MEAF6: variants seen among roughly 807,000 people sequenced by gnomAD.
MEAF6 encodes MYST/Esa1 associated factor 6, also known as chromatin modification-related protein MEAF6.
MEAF6 carries 15 observed loss-of-function variants against 28.9 expected under a neutral mutation model. The observed-to-expected ratio is 0.52, with a 90% CI of 0.35 to 0.80. MEAF6 has a LOEUF of 0.80. Ranked by LOEUF, MEAF6 falls within the 30% of genes least tolerant of loss-of-function variation. The pLI is 0.01. For missense variants in MEAF6, 178 were observed against 237.5 expected, an observed-to-expected ratio of 0.75 and a Z score of 1.65; for synonymous variants, 97 against 88.7, an observed-to-expected ratio of 1.09 and a Z score of -0.53.
At chr1:37,496,653 T>C (rs1376013609) in intron 5 of MEAF6, 3 of 1,544,098 alleles carry the variant, frequency 1.9e-6, no homozygotes, top group African/African-American at 1.4e-5. Flanking sequence ...CAAAAAGGCA[T>C]ACTGGTGTCT....
At chr1:37,503,902 T>C (rs548447630) in intron 4 of MEAF6, among the ~76,000 whole-genome samples, 6 of 152,216 alleles carry the variant, frequency 3.9e-5, no homozygotes, top group Non-Finnish European at 7.4e-5. Context: ...GGAGATTGCA[T>C]GAGCCAAGAT....
chr1:37,513,756 C>A, intron 1 of MEAF6: 1 of 575,214 alleles, frequency 1.7e-6, no homozygotes, highest in Non-Finnish European at 3.1e-6. Context: ...AAGCATGTCT[C>A]CAGAAAAATA....
rs577303611 is a variant in MEAF6 at position 37,490,943 on chromosome 1, C to A, written c.*3156G>T. Among the ~76,000 whole-genome samples, 2 of 152,150 alleles carry A rather than the reference C, an allele frequency of 1.3e-5. No individual in the cohort carries two copies. The highest frequency in any genetic ancestry group is 4.8e-5 in the African/African-American group (2 of 41,412). On this transcript the variant is annotated 3_prime_UTR_variant, in exon 7 of 7. Coordinates refer to ENST00000296214, the MANE Select transcript of MEAF6 (RefSeq NM_001270875.3). ...TCGAGAGGCTGAGGCGGAATAATTG[C>A]TTGAACCCTGGAGGCGGAGGTAGCA...
chr1:37,512,181 T>C (rs1457861911), intron 2 of MEAF6, among the ~76,000 whole-genome samples: 1 of 152,202 alleles, frequency 6.6e-6, no homozygotes, highest in Non-Finnish European at 1.5e-5. Context: ...GTTACATGAA[T>C]CTACACACAA....
intron 4 of MEAF6, among the ~76,000 whole-genome samples, chr1:37,505,426 G>A (rs562209673): frequency 5.1e-4 from 77 of 152,272 alleles, no homozygotes; most frequent in African/African-American, 1.8e-3. Context: ...AGCCCAGGAC[G>A]GCTTTGAATA....
At chr1:37,504,616 C>CA (rs1288160030) in intron 4 of MEAF6, among the ~76,000 whole-genome samples, 5 of 151,080 alleles carry the variant, frequency 3.3e-5, no homozygotes, top group African/African-American at 1.2e-4. Context: ...ACTAAAAATA[C>CA]AAAAAATTAG....
At chr1:37,500,222 G>C (rs565750148) in intron 5 of MEAF6, among the ~76,000 whole-genome samples, 64 of 152,178 alleles carry the variant, frequency 4.2e-4, no homozygotes, top group Middle Eastern at 3.4e-3. Context: ...TTTGAACCCA[G>C]GAAGCAGAGG....
intron 4 of MEAF6, among the ~76,000 whole-genome samples, chr1:37,505,815 T>A (rs1234347677): frequency 6.6e-6 from 1 of 152,072 alleles, no homozygotes; most frequent in Non-Finnish European, 1.5e-5. Flanking sequence ...TCAACAAGGG[T>A]GACAAGACAA....
At chr1:37,495,697 CAAAAAACAAAAAAAA>C (rs1642102443) in intron 6 of MEAF6, among the ~76,000 whole-genome samples, 173 bp downstream of exon 6, 1 of 92,676 alleles carries the variant, frequency 1.1e-5, no homozygotes, top group African/African-American at 4.0e-5. Context: ...AAAAAAAAAA[CAAAAAACAAAAAAAA>C]AAAAAAACAA....
intron 5 of MEAF6, among the ~76,000 whole-genome samples, 169 bp from the exon 6 acceptor site, chr1:37,496,087 C>G (rs993935956): frequency 4.6e-5 from 7 of 152,192 alleles, no homozygotes; most frequent in African/African-American, 1.4e-4. Context: ...TATTATCAAG[C>G]AAGTATTAAA....
At chr1:37,506,413 G>A (rs189422639) in intron 4 of MEAF6, among the ~76,000 whole-genome samples, 6 of 152,060 alleles carry the variant, frequency 3.9e-5, no homozygotes, top group Admixed American at 2.0e-4. Flanking sequence ...TCTTACTGTC[G>A]CCCAGGCTAG....
intron 2 of MEAF6, among the ~76,000 whole-genome samples, chr1:37,509,816 G>A (rs1029326436): frequency 5.3e-5 from 8 of 151,818 alleles, no homozygotes; most frequent in African/African-American, 9.7e-5. Flanking sequence ...TTGCTCTGTC[G>A]CCTACGCTGG....
rs573544593 is a variant in MEAF6, at chr1:37,490,898, G to A, written c.*3201C>T. ...AAAAACTAGCTGGGTGTGGTAGCAC[G>A]CGCCTGTAGTCTCAGCTACTCGAGA... On this transcript the variant is annotated 3_prime_UTR_variant, in exon 7 of 7. Transcript: ENST00000296214. Among the ~76,000 whole-genome samples the A allele has an allele frequency of 2.5e-4, 38 of 152,212 alleles. No homozygotes were observed. The highest frequency in any genetic ancestry group is 1.2e-3 in the East Asian group (6 of 5,162).
intron 5 of MEAF6, among the ~76,000 whole-genome samples, chr1:37,501,240 A>G (rs1013274050): frequency 2.6e-5 from 4 of 152,190 alleles, no homozygotes; most frequent in East Asian, 1.9e-4. Flanking sequence ...AGACACTCTC[A>G]TATTTTACAG....
intron 4 of MEAF6, among the ~76,000 whole-genome samples, chr1:37,504,800 TACACACACAC>T (rs143477333): frequency 1.0e-4 from 14 of 135,172 alleles, no homozygotes; most frequent in East Asian, 2.1e-4. Flanking sequence ...AAAATTTATA[TACACACACAC>T]ACACACACAC....
intron 6 of MEAF6, among the ~76,000 whole-genome samples, chr1:37,495,154 G>A (rs931699928): frequency 6.6e-6 from 1 of 151,568 alleles, no homozygotes; most frequent in African/African-American, 2.4e-5. Flanking sequence ...CCAACATGGT[G>A]AAACCCTGTC....
chr1:37,499,628 A>T (rs1035996235), intron 5 of MEAF6, among the ~76,000 whole-genome samples: 14 of 152,216 alleles, frequency 9.2e-5, no homozygotes, highest in Non-Finnish European at 1.9e-4. Flanking sequence ...CCAGATATTA[A>T]ATCAGAGGGA....
Position 37,493,593 on chromosome 1 carries a change from T to A in MEAF6, c.*506A>T, listed in dbSNP as rs1569946383. On this transcript the variant is annotated 3_prime_UTR_variant, in exon 7 of 7. Transcript: ENST00000296214. ...GATATGTCAGCAGGAAAGTATGAGC[T>A]GTACAAAGGCATTACAAAAAAACCC... 6 of 626,240 alleles carry A rather than the reference T, an allele frequency of 9.6e-6. No homozygotes were observed. The East Asian group carries it at 1.7e-4, about 18-fold the overall frequency. 38.8% of individuals were successfully genotyped at this position (626,240 alleles called of 1,614,324 possible).
intron 5 of MEAF6, chr1:37,501,452 A>ACTT (rs1642300572): frequency 5.6e-6 from 1 of 177,158 alleles, no homozygotes; most frequent in Non-Finnish European, 1.2e-5. Flanking sequence ...ACAGCTTCCC[A>ACTT]ATAAGTACCA....
Sources: allele counts gnomAD v4.1 joint callset (sites outside exome capture counted in the v4.1 genomes callset), GRCh38; gene constraint gnomAD v4.1.1; transcripts MANE v1.5; gene names NCBI Gene and HGNC (gene_info 2026-07-23, HGNC 2026-07-21).